The following ELF1 variants were observed in gnomAD, a reference collection of about 807,000 sequenced individuals.
ELF1 encodes the protein ETS-related transcription factor Elf-1.
In ELF1, 24 loss-of-function variants were observed where a neutral mutation model predicts 59.9. The ratio of observed to expected loss-of-function variants is 0.40; its 90% confidence interval spans 0.29 to 0.56. The LOEUF (loss-of-function observed/expected upper bound fraction) is 0.56, where lower values mean the gene tolerates loss of function less well. ELF1 is among the 20% of genes least tolerant of loss of function. The pLI is 0.44. For missense variants in ELF1, 627 were observed against 742.2 expected (o/e 0.84, Z 1.80); for synonymous variants, 248 against 266.2 (o/e 0.93, Z 0.67).
At chr13:40,988,483 C>A (rs118057501) in intron 1 of ELF1, among the ~76,000 whole-genome samples, 3 of 152,166 alleles carry the variant, frequency 2.0e-5, no homozygotes, top group African/African-American at 7.2e-5. Context: ...CCTTACCATA[C>A]CCCAGTACAA....
chr13:41,017,485 GGTCA>G lies in ELF1; in HGVS notation c.-229+1739_-229+1742del, dbSNP rs140074315. On this transcript the variant is annotated intron_variant, in intron 1 of 8. Transcript: ENST00000239882. ...ACTAATTCTAAATTTAATTCTGATG[GGTCA>G]GTTCAAACTTACATTCAATCTTATG... Among the ~76,000 whole-genome samples the G allele has an allele frequency of 8.6e-3, 1,306 of 152,180 alleles. 14 individuals carry two copies. Among genetic ancestry groups the G allele is most frequent in the Admixed American group, 0.02 (305 of 15,290 alleles).
At chr13:40,963,422 C>G (rs1871973302) in intron 2 of ELF1, among the ~76,000 whole-genome samples, 1 of 152,160 alleles carries the variant, frequency 6.6e-6, no homozygotes, top group Non-Finnish European at 1.5e-5. Flanking sequence ...AGGGCACTTC[C>G]CAGGATCACT....
intron 1 of ELF1, among the ~76,000 whole-genome samples, chr13:41,012,722 A>AT (rs919329479): frequency 8.1e-5 from 12 of 148,396 alleles, no homozygotes; most frequent in Admixed American, 2.7e-4. Context: ...TTAAAAAAAA[A>AT]TTTTTTTTTT....
At chr13:41,060,360 G>A (rs1877481353) in intron 1 of ELF1, among the ~76,000 whole-genome samples, 1 of 152,236 alleles carries the variant, frequency 6.6e-6, no homozygotes, top group Admixed American at 6.5e-5. Flanking sequence ...GCTGAAGAGG[G>A]TGTGGGCCGG....
At chr13:40,972,328 T>C (rs1872603118) in intron 2 of ELF1, among the ~76,000 whole-genome samples, 1 of 152,154 alleles carries the variant, frequency 6.6e-6, no homozygotes, top group African/African-American at 2.4e-5. Context: ...TCGAAACAAA[T>C]GTTAAAGGAA....
intron 1 of ELF1, among the ~76,000 whole-genome samples, chr13:41,028,347 T>C (rs1464267373): frequency 6.6e-6 from 1 of 152,256 alleles, no homozygotes; most frequent in Non-Finnish European, 1.5e-5. Flanking sequence ...CTTTGTATTA[T>C]CATGCCCTTT....
chr13:40,968,721 CTTTTTTT>C (rs35089615), intron 2 of ELF1, among the ~76,000 whole-genome samples: 1 of 137,378 alleles, frequency 7.3e-6, no homozygotes, highest in Non-Finnish European at 1.6e-5. Flanking sequence ...TTTCTATATT[CTTTTTTT>C]TTTTTTTTTT....
At chr13:41,032,891 A>G (rs1876228970) in intron 1 of ELF1, among the ~76,000 whole-genome samples, 1 of 151,552 alleles carries the variant, frequency 6.6e-6, no homozygotes, top group South Asian at 2.1e-4. Flanking sequence ...ACTTAGTACT[A>G]TGGTTACAAT....
At chr13:40,964,469 T>C (rs1169663427) in intron 2 of ELF1, among the ~76,000 whole-genome samples, 1 of 151,318 alleles carries the variant, frequency 6.6e-6, no homozygotes, top group Non-Finnish European at 1.5e-5. Flanking sequence ...CTGGTCTTCA[T>C]GTTTACATGG....
At chr13:40,994,946 T>C (rs1396970152) in intron 1 of ELF1, among the ~76,000 whole-genome samples, 2 of 152,168 alleles carry the variant, frequency 1.3e-5, no homozygotes, top group African/African-American at 2.4e-5. Flanking sequence ...ATGCTGGCAC[T>C]GATTGGGGGT....
chr13:41,042,162 A>C (rs1326362180), intron 1 of ELF1, among the ~76,000 whole-genome samples: 1 of 152,162 alleles, frequency 6.6e-6, no homozygotes, highest in Non-Finnish European at 1.5e-5. Flanking sequence ...ACCTAGGATT[A>C]CAGCTGCATG....
At chr13:40,955,537 G>A (rs1390171412) in intron 3 of ELF1, among the ~76,000 whole-genome samples, 9 of 74,696 alleles carry the variant, frequency 1.2e-4, no homozygotes, top group African/African-American at 3.5e-4. Flanking sequence ...CGCCCCGTCC[G>A]GGAAGTAGGT....
At chr13:40,960,710 C>A (rs1403280632) in intron 2 of ELF1, among the ~76,000 whole-genome samples, 1 of 152,180 alleles carries the variant, frequency 6.6e-6, no homozygotes, top group East Asian at 1.9e-4. Context: ...ATAGCTGGGA[C>A]TACAAGTGCA....
chr13:41,053,586 T>G (rs974765634), intron 1 of ELF1, among the ~76,000 whole-genome samples: 1 of 152,128 alleles, frequency 6.6e-6, no homozygotes, highest in African/African-American at 2.4e-5. Context: ...GTGACACAAA[T>G]TTCAAGCCCT....
chr13:41,047,439 C>G (rs1323592336), intron 1 of ELF1, among the ~76,000 whole-genome samples: 1 of 152,104 alleles, frequency 6.6e-6, no homozygotes, highest in Non-Finnish European at 1.5e-5. Flanking sequence ...ATGATGGTGA[C>G]GTACAGATGG....
chr13:40,992,343 CT>C (rs1873898964), intron 1 of ELF1, among the ~76,000 whole-genome samples: 1 of 152,198 alleles, frequency 6.6e-6, no homozygotes, highest in Non-Finnish European at 1.5e-5. Flanking sequence ...ATGTGGCATT[CT>C]TTTAATACAG....
chr13:41,048,446 T>C (rs898743733), intron 1 of ELF1, among the ~76,000 whole-genome samples: 2 of 152,130 alleles, frequency 1.3e-5, no homozygotes, highest in African/African-American at 2.4e-5. Context: ...TGAGACAAGG[T>C]CTCCATCTGT....
chr13:41,051,572 G>A (rs992522363), intron 1 of ELF1, among the ~76,000 whole-genome samples: 27 of 151,784 alleles, frequency 1.8e-4, no homozygotes, highest in African/African-American at 4.6e-4. Flanking sequence ...ACCTGAAAAC[G>A]GATAAAAAAG....
chr13:40,996,976 A>G (rs1182794260), intron 1 of ELF1, among the ~76,000 whole-genome samples: 1 of 151,974 alleles, frequency 6.6e-6, no homozygotes, highest in Non-Finnish European at 1.5e-5. Context: ...TTCTGTCTGT[A>G]CTCACTGCCA....
Sources: gnomAD v4.1 joint callset for allele counts (sites outside exome capture counted in the v4.1 genomes callset) on GRCh38, gnomAD v4.1.1 for gene constraint, MANE v1.5 for transcripts, NCBI Gene and HGNC (gene_info 2026-07-23, HGNC 2026-07-21) for gene names.